Variants in PDSS2 observed in about 807,000 individuals in gnomAD.
PDSS2 encodes the protein all trans-polyprenyl-diphosphate synthase PDSS2.
A neutral mutation model predicts 44.5 loss-of-function variants in PDSS2; 31 were observed. The ratio of observed to expected loss-of-function variants is 0.70; its 90% CI spans 0.52 to 0.94. The LOEUF is 0.94. PDSS2 is among the 40% of genes least tolerant of loss of function. PDSS2 has a pLI of 0.00. For synonymous variants in PDSS2, 157 were observed against 180.3 expected, an observed-to-expected ratio of 0.87 and a Z score of 1.03; for missense variants, 452 against 482.2, an observed-to-expected ratio of 0.94 and a Z score of 0.59.
chr6:107,341,486 A>G (rs1778077572), intron 1 of PDSS2, among the ~76,000 whole-genome samples: 1 of 152,230 alleles, frequency 6.6e-6, no homozygotes, highest in Non-Finnish European at 1.5e-5. Flanking sequence ...AAGCATCTTC[A>G]TAGAAGCGAT....
At chr6:107,261,007 C>A (rs879285712) in intron 3 of PDSS2, among the ~76,000 whole-genome samples, 2 of 151,816 alleles carry the variant, frequency 1.3e-5, no homozygotes, top group African/African-American at 2.4e-5. Context: ...AAAGCCAGAG[C>A]GAGAAAAAAA....
intron 1 of PDSS2, among the ~76,000 whole-genome samples, chr6:107,338,892 A>G (rs112023865): frequency 1.3e-5 from 2 of 150,662 alleles, no homozygotes; most frequent in Admixed American, 1.3e-4. Flanking sequence ...GTAAGTATTA[A>G]TTTTTTTTTT....
intron 1 of PDSS2, among the ~76,000 whole-genome samples, chr6:107,370,959 C>A (rs1779110843): frequency 6.6e-6 from 1 of 152,134 alleles, no homozygotes; most frequent in Non-Finnish European, 1.5e-5. Flanking sequence ...CTGAGGCGGG[C>A]AGATCACGAG....
intron 1 of PDSS2, among the ~76,000 whole-genome samples, chr6:107,398,964 T>TC (rs1780027698): frequency 6.6e-6 from 1 of 152,194 alleles, no homozygotes; most frequent in Admixed American, 6.5e-5. Context: ...TAGAATGTAT[T>TC]CATATTCTAC....
At chr6:107,265,238 T>A (rs1211844237) in intron 3 of PDSS2, among the ~76,000 whole-genome samples, 1 of 152,182 alleles carries the variant, frequency 6.6e-6, no homozygotes, top group African/African-American at 2.4e-5. Context: ...AATTTTACCC[T>A]TGGCAATTAT....
chr6:107,348,119 A>G (rs1778312742), intron 1 of PDSS2, among the ~76,000 whole-genome samples: 1 of 152,196 alleles, frequency 6.6e-6, no homozygotes, highest in Admixed American at 6.5e-5. Context: ...CTATCGGCCT[A>G]TCTTTTCGAC....
At chr6:107,448,863 A>C (rs1406868083) in intron 1 of PDSS2, among the ~76,000 whole-genome samples, 1 of 152,230 alleles carries the variant, frequency 6.6e-6, no homozygotes, top group Non-Finnish European at 1.5e-5. Context: ...AGGAGAGAGA[A>C]TGAGTGCCAG....
intron 4 of PDSS2, among the ~76,000 whole-genome samples, chr6:107,215,233 T>A (rs1331340091): frequency 6.6e-6 from 1 of 151,954 alleles, no homozygotes; most frequent in Non-Finnish European, 1.5e-5. Flanking sequence ...ATGTCCAGAA[T>A]AAAATAGGAA....
In PDSS2 at chr6:107,152,791, C is replaced by G. The variant is rs893778486; in HGVS notation, c.*1828G>C. ...GTAAAACCTACTGCTTGCTGAAGTTCCTGCACATCCAACCAGCACACCTAA... is the reference window on the plus strand; with the variant it reads ...GTAAAACCTACTGCTTGCTGAAGTTGCTGCACATCCAACCAGCACACCTAA... On this transcript the variant is annotated 3_prime_UTR_variant, in exon 8 of 8. Coordinates refer to ENST00000369037, the MANE Select transcript of PDSS2 (RefSeq NM_020381.4). The G allele has an allele frequency of 6.6e-6, 1 of 152,186 alleles. No individual in the cohort carries two copies. The highest frequency in any genetic ancestry group is 1.5e-5 in the Non-Finnish European group (1 of 68,050). 9.4% of individuals were successfully genotyped at this position (152,186 alleles called of 1,614,324 possible). A position where few individuals can be genotyped will look rare whatever the true frequency, so the allele number is the denominator to read the frequency against.
chr6:107,173,528 C>T (rs781945995), intron 7 of PDSS2, among the ~76,000 whole-genome samples: 5 of 139,090 alleles, frequency 3.6e-5, no homozygotes, highest in Non-Finnish European at 6.0e-5. Context: ...GAGCCGAGAT[C>T]GCGCCACTGC....
chr6:107,435,388 G>A (rs987908401), intron 1 of PDSS2, among the ~76,000 whole-genome samples: 1 of 151,382 alleles, frequency 6.6e-6, no homozygotes, highest in South Asian at 2.1e-4. Flanking sequence ...ATACTCCATT[G>A]TCATATAGTC....
intron 2 of PDSS2, among the ~76,000 whole-genome samples, chr6:107,304,981 C>T (rs899413962): frequency 4.6e-5 from 7 of 151,854 alleles, no homozygotes; most frequent in African/African-American, 1.5e-4. Flanking sequence ...CTCTTTATCC[C>T]CCAGCCCTGA....
intron 3 of PDSS2, among the ~76,000 whole-genome samples, chr6:107,270,973 T>C (rs1375730562): frequency 6.6e-6 from 1 of 152,242 alleles, no homozygotes; most frequent in Non-Finnish European, 1.5e-5. Context: ...AAAAGAACTA[T>C]TGCTTCCCTT....
chr6:107,433,900 T>C (rs1781267750), intron 1 of PDSS2, among the ~76,000 whole-genome samples: 1 of 152,132 alleles, frequency 6.6e-6, no homozygotes, highest in Non-Finnish European at 1.5e-5. Flanking sequence ...AACAAGAATA[T>C]ACAAGGGGCT....
At chr6:107,337,477 T>C (rs1311093038) in intron 1 of PDSS2, among the ~76,000 whole-genome samples, 1 of 152,238 alleles carries the variant, frequency 6.6e-6, no homozygotes, top group East Asian at 1.9e-4. Context: ...TCTTCTGTTA[T>C]TTACTAGCTG....
chr6:107,319,905 T>C (rs762100417), intron 2 of PDSS2, among the ~76,000 whole-genome samples: 2 of 152,284 alleles, frequency 1.3e-5, no homozygotes, highest in Admixed American at 1.3e-4. Context: ...TAGAGAGAGA[T>C]AAAAAAGCAA....
At chr6:107,314,984 C>A (rs1208193286) in intron 2 of PDSS2, among the ~76,000 whole-genome samples, 2 of 152,156 alleles carry the variant, frequency 1.3e-5, no homozygotes. Context: ...CATCAACTGA[C>A]AAAAGTCACA....
At chr6:107,222,316 A>C (rs1482405621) in intron 4 of PDSS2, among the ~76,000 whole-genome samples, 4 of 152,136 alleles carry the variant, frequency 2.6e-5, no homozygotes, top group African/African-American at 9.7e-5. Context: ...TATGTTCTTT[A>C]TTATAACAGC....
chr6:107,350,794 G>T (rs1778408583), intron 1 of PDSS2, among the ~76,000 whole-genome samples: 1 of 151,646 alleles, frequency 6.6e-6, no homozygotes, highest in Non-Finnish European at 1.5e-5. Context: ...TGGGTGAACA[G>T]AGCAGGACCC....
Sources: allele counts gnomAD v4.1 joint callset (sites outside exome capture counted in the v4.1 genomes callset), GRCh38; gene constraint gnomAD v4.1.1; transcripts MANE v1.5; gene names NCBI Gene and HGNC (gene_info 2026-07-23, HGNC 2026-07-21).